The following TRIP10 variants were observed in gnomAD, a reference collection of about 807,000 sequenced individuals.
TRIP10 encodes the protein thyroid hormone receptor interactor 10.
TRIP10 carries 54 observed loss-of-function variants against 80.9 expected under a neutral mutation model. The observed-to-expected ratio is 0.67, with a 90% CI of 0.54 to 0.84. The LOEUF is 0.84. Among genes scored for constraint, TRIP10 ranks in the 40% least tolerant of loss-of-function variants. The probability of loss-of-function intolerance (pLI) is 0.00; values close to 1 mark genes in which losing one functional copy is unlikely to be tolerated. For synonymous variants in TRIP10, 321 were observed against 307.2 expected (o/e 1.04, Z -0.47); for missense variants, 773 against 815.3 (o/e 0.95, Z 0.63).
chr19:6,746,473 A>G lies in TRIP10; in HGVS notation c.1174A>G (p.Ser392Gly). Residue 392 changes from serine to glycine, a missense_variant, in exon 11 of 15, where the codon AGC becomes GGC. Ser to Gly is a moderately conservative substitution (Grantham distance 56, BLOSUM62 0). Transcript: ENST00000313244. This position sits in a 1 kb window ranked among gnomAD's most constrained non-coding sequence, Gnocchi z 6.2. ...GCAGACAGTGGTGACCGAGGATTTT[A>G]GCCACTTGCCCCCAGAGCAGCAGCG... ...SRGTVVTEDF[S>G]HLPPEQQRKR... 1 of 1,614,132 alleles carries G rather than the reference A, an allele frequency of 6.2e-7. No individual in the cohort carries two copies. Among genetic ancestry groups the G allele is most frequent in the East Asian group, 2.2e-5 (1 of 44,888 alleles).
chr19:6,743,553 A>T lies in TRIP10; in HGVS notation c.468A>T (p.Glu156Asp), dbSNP rs1241782343. 1.9e-6 allele frequency: 3 copies of T among 1,579,926 alleles called. No homozygotes were observed. Among genetic ancestry groups the T allele is most frequent in the Non-Finnish European group, 2.6e-6 (3 of 1,161,428 alleles). ...CAGAGAAGGCAGCCCAGACTGCTGAACGGCTAGACCAGGATATCAACGCCA... is the reference window on the plus strand; with the variant it reads ...CAGAGAAGGCAGCCCAGACTGCTGATCGGCTAGACCAGGATATCAACGCCA... Reference protein sequence around the residue: ...REAEKAAQTAERLDQDINATK... With the variant: ...REAEKAAQTADRLDQDINATK... Residue 156 changes from glutamate to aspartate, a missense_variant, in exon 6 of 15, where the codon GAA becomes GAT. Coordinates refer to ENST00000313244, the MANE Select transcript of TRIP10 (RefSeq NM_001288962.2).
At chr19:6,740,343 C>G (rs919577650) in intron 1 of TRIP10, among the ~76,000 whole-genome samples, 3 of 152,214 alleles carry the variant, frequency 2.0e-5, no homozygotes, top group African/African-American at 7.2e-5. Flanking sequence ...CAGGGCGGGA[C>G]CGCCCCCTGG....
At position 6,745,393 on chromosome 19, in the gene TRIP10, A is replaced by G. The variant is rs1056918632; in HGVS notation, c.984+399A>G. Reference sequence around the variant, plus strand: ...TTCTTGGGTTTTTGGATTTTAATATACCTTAGCACCCTTGGTTTATACCTT... The same window carrying G: ...TTCTTGGGTTTTTGGATTTTAATATGCCTTAGCACCCTTGGTTTATACCTT... On this transcript the variant is annotated intron_variant, in intron 9 of 14. Transcript: ENST00000313244. This position sits in a 1 kb window ranked among gnomAD's most constrained non-coding sequence, Gnocchi z 7.2. Among the ~76,000 whole-genome samples, 2 of 151,816 alleles carry G rather than the reference A, an allele frequency of 1.3e-5. No individual in the cohort carries two copies. Among genetic ancestry groups the G allele is most frequent in the African/African-American group, 2.4e-5 (1 of 41,284 alleles).
intron 1 of TRIP10, among the ~76,000 whole-genome samples, chr19:6,740,301 C>A (rs1243939434): frequency 6.6e-6 from 1 of 152,200 alleles, no homozygotes; most frequent in African/African-American, 2.4e-5. Flanking sequence ...GCCTGATCCC[C>A]CTCCCTGGCT....
chr19:6,749,515 T>C (rs754736382), intron 11 of TRIP10, among the ~76,000 whole-genome samples: 8 of 152,298 alleles, frequency 5.3e-5, no homozygotes, highest in Middle Eastern at 3.4e-3. Context: ...TCCTTAACCA[T>C]TGTCCTGCCT....
rs1368694612 is a variant in TRIP10 at position 6,743,111 on chromosome 19, G to A, written c.342G>A (p.Lys114=). 1.9e-6 allele frequency: 3 copies of A among 1,614,098 alleles called. No individual in the cohort carries two copies. The highest frequency in any genetic ancestry group is 2.7e-5 in the African/African-American group (2 of 74,930). The part of the protein sequence containing the change: ...KYSQEMKQER[K]MHFQEGRRAQ... ...CACAAGAGATGAAACAGGAGAGGAA[G>A]ATGGTGAGGAGCCCCCCGATTCAGG... The change falls in exon 4 of 15, where the codon AAG becomes AAA. Residue 114 remains lysine, a synonymous_variant. Transcript: ENST00000313244.
intron 1 of TRIP10, 92 bp from the exon 2 acceptor site, chr19:6,740,918 G>C: frequency 1.7e-6 from 2 of 1,162,616 alleles, no homozygotes; most frequent in Non-Finnish European, 2.5e-6. Context: ...CAGAGCCTTG[G>C]CCCTCCCTGG....
rs968588948 is a variant in TRIP10, at chr19:6,745,137, G to A, written c.984+143G>A. The A allele has an allele frequency of 8.5e-6, 10 of 1,178,116 alleles. No homozygotes were observed. The highest frequency in any genetic ancestry group is 1.1e-5 in the Non-Finnish European group (10 of 884,542). The allele number at this position is 1,178,116 out of a possible 1,614,324, so 73.0% of individuals were successfully genotyped here. ...CTTGGCTGCCAGCCCGGACTGGAGG[G>A]AAGGAAGGCGGCCGATTGGCCTGGG... On this transcript the variant is annotated intron_variant, in intron 9 of 14. Transcript: ENST00000313244. This position sits in a 1 kb window ranked among gnomAD's most constrained non-coding sequence, Gnocchi z 7.2.
chr19:6,743,930 CAGTCCCTAGA>C, intron 7 of TRIP10, 94 bp downstream of exon 7: 1 of 1,491,874 alleles, frequency 6.7e-7, no homozygotes, highest in Non-Finnish European at 9.1e-7. Context: ...TGCAATGTCC[CAGTCCCTAGA>C]TTGAAAGGGA....
In TRIP10 at chr19:6,745,897, T is replaced by C; in HGVS notation, c.985-132T>C. On this transcript the variant is annotated intron_variant, in intron 9 of 14. Transcript: ENST00000313244. This position sits in a 1 kb window ranked among gnomAD's most constrained non-coding sequence, Gnocchi z 7.2. The stretch of plus-strand genomic sequence containing the variant: ...TTTTTTTCTTTCTCCATTTTGTTTT[T>C]CCTTTTTCCTTTTTTTGCGTCCATC... 2.4e-6 allele frequency: 3 copies of C among 1,267,440 alleles called. No individual in the cohort carries two copies. The highest frequency in any genetic ancestry group is 1.0e-6 in the Non-Finnish European group (1 of 1,004,906). 78.5% of individuals were successfully genotyped at this position (1,267,440 alleles called of 1,614,324 possible).
chr19:6,740,916 TG>T, intron 1 of TRIP10, 93 bp from the exon 2 acceptor site: 1 of 1,139,348 alleles, frequency 8.8e-7, no homozygotes, highest in Non-Finnish European at 1.3e-6. Flanking sequence ...CGCAGAGCCT[TG>T]GCCCTCCCTG....
chr19:6,743,388 A>T (rs381897), intron 5 of TRIP10, 106 bp from the exon 6 acceptor site: 994,730 of 1,510,056 alleles, frequency 0.66, 330,283 homozygotes, highest in Admixed American at 0.7. Context: ...TACTCCCTTG[A>T]CCCCTACTTA....
At chr19:6,749,854 TCAAA>T (rs979612360) in intron 11 of TRIP10, 76 bp from the exon 12 acceptor site, 1 of 1,552,520 alleles carries the variant, frequency 6.4e-7, no homozygotes, top group African/African-American at 1.4e-5. Context: ...AGACCCTGAC[TCAAA>T]CAAAACAAAA....
At position 6,751,091 on chromosome 19, in the gene TRIP10, C is replaced by T. The variant is rs1599571818; in HGVS notation, c.1686C>T (p.Ala562=). 7 of 1,604,298 alleles carry T rather than the reference C, an allele frequency of 4.4e-6. No individual in the cohort carries two copies. Among genetic ancestry groups the T allele is most frequent in the Non-Finnish European group, 6.0e-6 (7 of 1,174,060 alleles). The change falls in exon 15 of 15, where the codon GCC becomes GCT. Residue 562 remains alanine, a synonymous_variant. Coordinates refer to ENST00000313244, the MANE Select transcript of TRIP10 (RefSeq NM_001288962.2). ...EGSSEGTISM[A]EGEDLSLMEE... is the part of the protein sequence containing the mutation. Reference sequence around the variant, plus strand: ...CCAGCGAGGGCACTATCTCTATGGCCGAGGGTGAAGACCTCAGTCTTATGG... The same window carrying T: ...CCAGCGAGGGCACTATCTCTATGGCTGAGGGTGAAGACCTCAGTCTTATGG...
chr19:6,743,869 C>T (rs755583395), intron 7 of TRIP10, 33 bp downstream of exon 7: 22 of 1,610,126 alleles, frequency 1.4e-5, no homozygotes, highest in African/African-American at 6.7e-5. Flanking sequence ...CCTACCTTCC[C>T]GAAAGCCTCC....
rs368108017 is a variant in TRIP10 at position 6,750,446 on chromosome 19, C to A, written c.1535+15C>A. 1.2e-6 allele frequency: 2 copies of A among 1,613,850 alleles called. No individual in the cohort carries two copies. Among genetic ancestry groups the A allele is most frequent in the African/African-American group, 2.7e-5 (2 of 74,940 alleles). ...ACCAAGGAGAGGTGAGGGGTGACGT[C>A]AGAGTGGGTCTGTTCCCAGGGTCCC... On this transcript the variant is annotated intron_variant, in intron 13 of 14. Coordinates refer to ENST00000313244, the MANE Select transcript of TRIP10 (RefSeq NM_001288962.2).
chr19:6,746,056 G>T lies in TRIP10; in HGVS notation c.1012G>T (p.Gly338Trp). The T allele has an allele frequency of 3.0e-6, 4 of 1,326,342 alleles. No individual in the cohort carries two copies. The highest frequency in any genetic ancestry group is 3.9e-6 in the Non-Finnish European group (4 of 1,031,128). The allele number at this position is 1,326,342 out of a possible 1,614,324, so 82.2% of individuals were successfully genotyped here. Residue 338 changes from glycine to tryptophan, a missense_variant, in exon 10 of 15, where the codon GGG (glycine) becomes TGG (tryptophan). Gly to Trp is a radical substitution (Grantham distance 184). Transcript: ENST00000313244. This position sits in a 1 kb window ranked among gnomAD's most constrained non-coding sequence, Gnocchi z 6.2. ...TCGCCCCCCACCCCTCTCCCCCCTG[G>T]GGGGCCCCGTACCCTCGGCATTGCC... ...KPRPPPLSPL[G>W]GPVPSALPNG...
chr19:6,744,517 T>C lies in TRIP10; in HGVS notation c.643-37T>C, dbSNP rs1180420051. 6.2e-7 allele frequency: 1 copy of C among 1,612,752 alleles called. No individual in the cohort carries two copies. Among genetic ancestry groups the C allele is most frequent in the Non-Finnish European group, 8.5e-7 (1 of 1,179,922 alleles). On this transcript the variant is annotated intron_variant, in intron 7 of 14. Coordinates refer to ENST00000313244, the MANE Select transcript of TRIP10 (RefSeq NM_001288962.2). The surrounding 1 kb of genome is among the most constrained non-coding windows in gnomAD (Gnocchi z 4.9). ...ATCACTGTGCTTCTAGTCCCTCTGTTAGCACCCCTGAGCCACCCTTGTCCC... is the reference window on the plus strand; with the variant it reads ...ATCACTGTGCTTCTAGTCCCTCTGTCAGCACCCCTGAGCCACCCTTGTCCC...
chr19:6,746,625 T>A lies in TRIP10; in HGVS notation c.1262+64T>A, dbSNP rs1969142980. On this transcript the variant is annotated intron_variant, in intron 11 of 14. Coordinates refer to ENST00000313244, the MANE Select transcript of TRIP10 (RefSeq NM_001288962.2). This position sits in a 1 kb window ranked among gnomAD's most constrained non-coding sequence, Gnocchi z 6.2. ...GATAAAATAGTAAATGAACTTCACT[T>A]ATTTGTTTATTATTTTATTTTATTT... 7.9e-6 allele frequency: 9 copies of A among 1,135,774 alleles called. No homozygotes were observed. Among genetic ancestry groups the A allele is most frequent in the Non-Finnish European group, 1.1e-5 (9 of 802,736 alleles). 70.4% of individuals were successfully genotyped at this position (1,135,774 alleles called of 1,614,324 possible).
Sources: allele counts gnomAD v4.1 joint callset (sites outside exome capture counted in the v4.1 genomes callset), GRCh38; gene constraint gnomAD v4.1.1; non-coding constraint Gnocchi (gnomAD v3.1); transcripts MANE v1.5; gene names NCBI Gene and HGNC (gene_info 2026-07-23, HGNC 2026-07-21).